The following DAB1 variants were observed in gnomAD, a reference collection of about 807,000 sequenced individuals.
DAB1 encodes DAB adaptor protein 1.
A neutral mutation model predicts 64.6 loss-of-function variants in DAB1; 15 were observed. The ratio of observed to expected loss-of-function variants is 0.23; its 90% CI spans 0.16 to 0.36. The LOEUF (loss-of-function observed/expected upper bound fraction) is 0.36. Among genes scored for constraint, DAB1 ranks in the 10% least tolerant of loss-of-function variants. The pLI is 1.00. For synonymous variants in DAB1, 235 were observed against 251.9 expected (o/e 0.93, Z 0.64); for missense variants, 596 against 706.7 (o/e 0.84, Z 1.78).
intron 7 of DAB1, among the ~76,000 whole-genome samples, chr1:57,598,139 C>G (rs1013846768): frequency 2.6e-5 from 4 of 152,170 alleles, no homozygotes; most frequent in Non-Finnish European, 4.4e-5. Flanking sequence ...CCCGCCACCA[C>G]GCCTGGCTAA....
intron 7 of DAB1, among the ~76,000 whole-genome samples, chr1:57,627,524 A>T (rs535226083): frequency 6.6e-6 from 1 of 152,212 alleles, no homozygotes; most frequent in Non-Finnish European, 1.5e-5. Context: ...TGTACTCATG[A>T]CATATGAAAT....
At chr1:58,487,854 A>G (rs895424405) in intron 3 of DAB1, among the ~76,000 whole-genome samples, 1 of 152,082 alleles carries the variant, frequency 6.6e-6, no homozygotes, top group Non-Finnish European at 1.5e-5. Flanking sequence ...ACATTATCTA[A>G]CTAAAAATAA....
intron 6 of DAB1, among the ~76,000 whole-genome samples, chr1:57,731,486 C>G (rs541025702): frequency 6.6e-6 from 1 of 151,868 alleles, no homozygotes; most frequent in South Asian, 2.1e-4. Context: ...TATCTTACCA[C>G]AATAAAAAAT....
At chr1:58,199,310 C>G (rs1045831327) in intron 4 of DAB1, among the ~76,000 whole-genome samples, 2 of 152,150 alleles carry the variant, frequency 1.3e-5, no homozygotes, top group Non-Finnish European at 2.9e-5. Flanking sequence ...CAATTTCAGT[C>G]AGGTTTCTTA....
At chr1:57,528,405 G>A (rs948988565) in intron 7 of DAB1, among the ~76,000 whole-genome samples, 12 of 152,046 alleles carry the variant, frequency 7.9e-5, no homozygotes, top group African/African-American at 1.9e-4. Context: ...TCACTCTTAT[G>A]TGTAATTATA....
At chr1:57,753,089 G>A (rs1175356488) in intron 6 of DAB1, among the ~76,000 whole-genome samples, 1 of 152,156 alleles carries the variant, frequency 6.6e-6, no homozygotes, top group Non-Finnish European at 1.5e-5. Context: ...AAGCAGCTGT[G>A]TTCTGCCTGA....
intron 2 of DAB1, among the ~76,000 whole-genome samples, chr1:57,257,844 AC>A (rs1669882977): frequency 6.6e-6 from 1 of 152,170 alleles, no homozygotes; most frequent in Non-Finnish European, 1.5e-5. Context: ...CCTAGTGGTC[AC>A]ATTACCTTCC....
chr1:57,395,683 G>A (rs1682744799), intron 1 of DAB1, among the ~76,000 whole-genome samples: 1 of 152,134 alleles, frequency 6.6e-6, no homozygotes, highest in African/African-American at 2.4e-5. Context: ...TGTGACTAAG[G>A]AGCTGGACTT....
Position 58,181,982 on chromosome 1 carries a change from C to T in DAB1, n.310-31394G>A, listed in dbSNP as rs1350412664. Among the ~76,000 whole-genome samples the T allele has an allele frequency of 2.6e-5, 4 of 152,104 alleles. No individual in the cohort carries two copies. The East Asian group carries it at 7.7e-4, about 29-fold the overall frequency. On this transcript the variant is annotated intron_variant and non_coding_transcript_variant, in intron 4 of 20. Coordinates refer to the DAB1 transcript ENST00000485760. The stretch of plus-strand genomic sequence containing the variant: ...CTTTACTCTTTCTCGTAAGTCGGGT[C>T]TGCTAGCCACAAATTCATTTAGTCT...
intron 6 of DAB1, among the ~76,000 whole-genome samples, chr1:57,714,225 T>C (rs568808628): frequency 6.6e-6 from 1 of 152,302 alleles, no homozygotes; most frequent in East Asian, 1.9e-4. Flanking sequence ...GTAAGTATAA[T>C]TATTTTTACC....
At chr1:58,292,440 T>C (rs1402573134) in intron 4 of DAB1, among the ~76,000 whole-genome samples, 2 of 152,206 alleles carry the variant, frequency 1.3e-5, no homozygotes, top group African/African-American at 4.8e-5. Context: ...AAAATAATAA[T>C]AATTCTTCAA....
intron 5 of DAB1, among the ~76,000 whole-genome samples, chr1:58,112,971 G>T (rs1055154338): frequency 1.3e-5 from 2 of 152,164 alleles, no homozygotes; most frequent in African/African-American, 4.8e-5. Context: ...TGGATAGAAT[G>T]TTGACTGAAT....
chr1:57,878,168 T>A (rs1644083862), intron 1 of DAB1: 1 of 152,230 alleles, frequency 6.6e-6, no homozygotes, highest in Non-Finnish European at 1.5e-5. Context: ...CTGCATTATT[T>A]AAGTGTGAAG....
At chr1:57,994,132 A>G (rs1012270610) in intron 5 of DAB1, among the ~76,000 whole-genome samples, 2 of 152,206 alleles carry the variant, frequency 1.3e-5, no homozygotes, top group African/African-American at 4.8e-5. Flanking sequence ...GTCTGGCAGC[A>G]AAAGGCGGAG....
intron 4 of DAB1, among the ~76,000 whole-genome samples, chr1:58,159,100 C>A (rs1353434173): frequency 6.6e-6 from 1 of 152,184 alleles, no homozygotes; most frequent in Non-Finnish European, 1.5e-5. Context: ...CTCTGGAACC[C>A]AAACTGAACA....
chr1:58,247,100 A>T (rs1200703432), intron 4 of DAB1, among the ~76,000 whole-genome samples: 1 of 152,142 alleles, frequency 6.6e-6, no homozygotes, highest in Non-Finnish European at 1.5e-5. Context: ...CATCTGTGGA[A>T]GGGCCCATAC....
intron 5 of DAB1, among the ~76,000 whole-genome samples, chr1:57,902,167 A>AG (rs1022928602): frequency 2.6e-5 from 4 of 151,848 alleles, no homozygotes; most frequent in African/African-American, 4.8e-5. Flanking sequence ...AAAAAAAAAA[A>AG]AAAAAGAAAG....
At chr1:58,220,866 CATATAT>C (rs10563836) in intron 4 of DAB1, among the ~76,000 whole-genome samples, 13,049 of 79,570 alleles carry the variant, frequency 0.16, 588 homozygotes, top group Admixed American at 0.24. Flanking sequence ...CACATATATA[CATATAT>C]ACACACACAC....
At chr1:57,325,845 G>A (rs924989540) in intron 1 of DAB1, among the ~76,000 whole-genome samples, 1 of 152,176 alleles carries the variant, frequency 6.6e-6, no homozygotes, top group Non-Finnish European at 1.5e-5. Flanking sequence ...ATCAAGAACT[G>A]ATTGTATCTC....
Sources: allele counts gnomAD v4.1 joint callset (sites outside exome capture counted in the v4.1 genomes callset), GRCh38; gene constraint gnomAD v4.1.1; transcripts MANE v1.5; gene names NCBI Gene and HGNC (gene_info 2026-07-23, HGNC 2026-07-21).